The following GRIA4 variants were observed in gnomAD, a reference collection of about 807,000 sequenced individuals.
GRIA4 encodes the protein glutamate receptor 4.
GRIA4 carries 34 observed loss-of-function variants against 104.0 expected under a neutral mutation model. The ratio of observed to expected loss-of-function variants is 0.33; its 90% CI spans 0.25 to 0.44. The LOEUF (loss-of-function observed/expected upper bound fraction) is 0.44. Among genes scored for constraint, GRIA4 ranks in the 20% least tolerant of loss-of-function variants. The probability of loss-of-function intolerance (pLI) is 1.00; values close to 1 mark genes in which losing one functional copy is unlikely to be tolerated. For missense variants in GRIA4, 750 were observed against 1,096.5 expected (o/e 0.68, Z 4.46); for synonymous variants, 386 against 381.9 (o/e 1.01, Z -0.13).
chr11:105,930,593 C>T (rs1947844155), intron 13 of GRIA4, among the ~76,000 whole-genome samples: 1 of 150,952 alleles, frequency 6.6e-6, no homozygotes. Context: ...ATACTTTATT[C>T]TTTTTAAAAA....
At chr11:105,646,692 A>T (rs545514256) in intron 3 of GRIA4, among the ~76,000 whole-genome samples, 1 of 152,304 alleles carries the variant, frequency 6.6e-6, no homozygotes, top group Non-Finnish European at 1.5e-5. Context: ...GCAATGAGGA[A>T]AGAATTCTCC....
chr11:105,741,501 G>A (rs1939302930), intron 3 of GRIA4, among the ~76,000 whole-genome samples: 1 of 152,126 alleles, frequency 6.6e-6, no homozygotes, highest in Admixed American at 6.6e-5. Flanking sequence ...GGTCAAGTGG[G>A]AAATGCAAGA....
chr11:105,814,749 T>C (rs1467916315), intron 4 of GRIA4, among the ~76,000 whole-genome samples: 2 of 152,218 alleles, frequency 1.3e-5, no homozygotes, highest in African/African-American at 4.8e-5. Flanking sequence ...AATAAATGCA[T>C]AGCAATTAGT....
intron 14 of GRIA4, among the ~76,000 whole-genome samples, chr11:105,942,788 T>TA (rs1375156917): frequency 6.6e-6 from 1 of 152,100 alleles, no homozygotes; most frequent in African/African-American, 2.4e-5. Context: ...TAGCTTATTT[T>TA]AAAAACTAGA....
chr11:105,824,962 A>T (rs1943712679), intron 4 of GRIA4, among the ~76,000 whole-genome samples: 1 of 152,074 alleles, frequency 6.6e-6, no homozygotes, highest in South Asian at 2.1e-4. Flanking sequence ...AGTCAGTCTC[A>T]TCAGAGAATG....
rs376905097 is a variant in GRIA4 at position 105,980,026 on chromosome 11, A to G, written c.*287A>G. The G allele has an allele frequency of 2.2e-4, 63 of 291,374 alleles. 1 individual carries two copies. The South Asian group carries it at 3.8e-3, about 17-fold the overall frequency. 18.0% of individuals were successfully genotyped at this position (291,374 alleles called of 1,614,324 possible). A position where few individuals can be genotyped will look rare whatever the true frequency, so the allele number is the denominator to read the frequency against. ...GGGTGTATTAACAGCAACAAATTTC[A>G]TTCGAGTGGACTCAAAAACTAATCA... On this transcript the variant is annotated 3_prime_UTR_variant, in exon 17 of 17. Coordinates refer to ENST00000282499, the MANE Select transcript of GRIA4 (RefSeq NM_000829.4).
intron 4 of GRIA4, among the ~76,000 whole-genome samples, chr11:105,828,193 G>C (rs907671836): frequency 6.6e-5 from 10 of 151,956 alleles, no homozygotes; most frequent in Non-Finnish European, 1.3e-4. Context: ...ACATATTACT[G>C]TTTCTCTTTC....
At chr11:105,874,326 AG>A (rs1177957405) in intron 5 of GRIA4, among the ~76,000 whole-genome samples, 2 of 152,178 alleles carry the variant, frequency 1.3e-5, no homozygotes, top group Non-Finnish European at 2.9e-5. Context: ...ATAGCTTTGT[AG>A]TATAGTTTTA....
At chr11:105,875,574 A>T (rs561841725) in intron 5 of GRIA4, among the ~76,000 whole-genome samples, 2 of 152,286 alleles carry the variant, frequency 1.3e-5, no homozygotes, top group Admixed American at 1.3e-4. Context: ...GCTATTAATT[A>T]CTGCCTCAAT....
intron 14 of GRIA4, among the ~76,000 whole-genome samples, chr11:105,936,152 G>A (rs1173330546): frequency 4.6e-5 from 7 of 152,084 alleles, no homozygotes; most frequent in African/African-American, 1.4e-4. Context: ...CCATCTAAGC[G>A]GGAGACTCAT....
intron 3 of GRIA4, among the ~76,000 whole-genome samples, chr11:105,730,625 C>A (rs1032397674): frequency 2.0e-5 from 3 of 152,170 alleles, no homozygotes; most frequent in African/African-American, 7.2e-5. Flanking sequence ...TGACTTCAAA[C>A]TGTGCTACAA....
At chr11:105,832,775 G>A (rs976107292) in intron 4 of GRIA4, among the ~76,000 whole-genome samples, 7 of 151,996 alleles carry the variant, frequency 4.6e-5, no homozygotes, top group African/African-American at 1.7e-4. Flanking sequence ...ACTCAAGGGT[G>A]GCTGACATTG....
chr11:105,783,594 T>C (rs1941822063), intron 4 of GRIA4, among the ~76,000 whole-genome samples: 1 of 152,200 alleles, frequency 6.6e-6, no homozygotes, highest in Non-Finnish European at 1.5e-5. Context: ...TCCTTTATCG[T>C]CCATAGGTTT....
At chr11:105,764,628 G>GT (rs1230032779) in intron 4 of GRIA4, among the ~76,000 whole-genome samples, 1 of 151,918 alleles carries the variant, frequency 6.6e-6, no homozygotes, top group Non-Finnish European at 1.5e-5. Context: ...ATTGATTTAC[G>GT]TAAGAACTAT....
chr11:105,932,942 T>C (rs1185711224), intron 13 of GRIA4, among the ~76,000 whole-genome samples: 1 of 151,964 alleles, frequency 6.6e-6, no homozygotes, highest in Non-Finnish European at 1.5e-5. Flanking sequence ...TGAAAAAAGA[T>C]AAAAATAAAA....
chr11:105,702,312 A>T (rs1953526454), intron 3 of GRIA4, among the ~76,000 whole-genome samples: 1 of 152,180 alleles, frequency 6.6e-6, no homozygotes, highest in African/African-American at 2.4e-5. Context: ...AAAGCAGCTG[A>T]AAACAGAAAT....
intron 14 of GRIA4, among the ~76,000 whole-genome samples, chr11:105,940,984 A>C (rs1948168171): frequency 6.6e-6 from 1 of 152,190 alleles, no homozygotes; most frequent in Admixed American, 6.5e-5. Flanking sequence ...TCAATCACTT[A>C]ACTCTGTTTT....
intron 3 of GRIA4, among the ~76,000 whole-genome samples, chr11:105,641,453 G>T (rs1951356649): frequency 1.3e-5 from 2 of 152,128 alleles, no homozygotes; most frequent in Non-Finnish European, 2.9e-5. Context: ...GCTAAGACTA[G>T]AATATAGAGT....
rs1859243846 is a variant in GRIA4 at position 105,981,397 on chromosome 11, G to A, written c.*1658G>A. 2.0e-5 allele frequency: 3 copies of A among 152,560 alleles called. No homozygotes were observed. In the South Asian group the frequency reaches 6.2e-4, roughly 32 times the overall value. The allele number at this position is 152,560 out of a possible 1,614,324, so 9.5% of individuals were successfully genotyped here. On this transcript the variant is annotated 3_prime_UTR_variant, in exon 17 of 17. Transcript: ENST00000282499. ...CATGCACATCAGTGGCTCATTTAAGGAATGAATGCCATTAGATGGGCTACT... is the reference window on the plus strand; with the variant it reads ...CATGCACATCAGTGGCTCATTTAAGAAATGAATGCCATTAGATGGGCTACT...
Sources: allele counts gnomAD v4.1 joint callset (sites outside exome capture counted in the v4.1 genomes callset), GRCh38; gene constraint gnomAD v4.1.1; transcripts MANE v1.5; gene names NCBI Gene and HGNC (gene_info 2026-07-23, HGNC 2026-07-21).